The following NXPH1 variants were observed in gnomAD, a reference collection of about 807,000 sequenced individuals.
The protein encoded by NXPH1 is neurexophilin-1.
In NXPH1, 5 loss-of-function variants were observed where a neutral mutation model predicts 23.7. The observed-to-expected ratio is 0.21, with a 90% CI of 0.11 to 0.44. The LOEUF is 0.44. Ranked by LOEUF, NXPH1 falls within the 20% of genes least tolerant of loss-of-function variation. NXPH1 has a pLI of 0.99. For missense variants in NXPH1, 324 were observed against 321.6 expected, an observed-to-expected ratio of 1.01 and a Z score of -0.06; for synonymous variants, 144 against 122.2, an observed-to-expected ratio of 1.18 and a Z score of -1.18.
Position 8,681,601 on chromosome 7 carries a change from A to G in NXPH1, c.55-69407A>G, listed in dbSNP as rs550216253. Among the ~76,000 whole-genome samples, 13 of 152,338 alleles carry G rather than the reference A, an allele frequency of 8.5e-5. No individual in the cohort carries two copies. The East Asian group carries it at 2.3e-3, about 27-fold the overall frequency. On this transcript the variant is annotated intron_variant, in intron 2 of 2. Coordinates refer to ENST00000405863, the MANE Select transcript of NXPH1 (RefSeq NM_152745.3). ...TTCTAGGAAGGGTGTGTGCATGTAA[A>G]GGGCAATTACAATACTTCAGGCATT...
intron 2 of NXPH1, among the ~76,000 whole-genome samples, chr7:8,467,171 A>C (rs979784633): frequency 2.0e-5 from 3 of 152,178 alleles, no homozygotes; most frequent in African/African-American, 7.2e-5. Context: ...AAAGTCCGTC[A>C]CTACTTTGGG....
At chr7:8,595,837 C>A (rs778198407) in intron 2 of NXPH1, among the ~76,000 whole-genome samples, 1 of 151,944 alleles carries the variant, frequency 6.6e-6, no homozygotes, top group South Asian at 2.1e-4. Flanking sequence ...CCTTTACCAT[C>A]GCTTTTAGTG....
intron 2 of NXPH1, among the ~76,000 whole-genome samples, chr7:8,555,199 A>C (rs1818337567): frequency 6.6e-6 from 1 of 151,682 alleles, no homozygotes; most frequent in African/African-American, 2.4e-5. Flanking sequence ...CTAACACGCA[A>C]CTGATAGACT....
intron 2 of NXPH1, among the ~76,000 whole-genome samples, chr7:8,647,551 T>C (rs1321395538): frequency 2.6e-5 from 4 of 152,100 alleles, no homozygotes; most frequent in African/African-American, 9.7e-5. Context: ...TTCATGAGTG[T>C]GTTGGTTTGT....
intron 2 of NXPH1, among the ~76,000 whole-genome samples, chr7:8,547,306 A>G (rs1818212174): frequency 1.3e-5 from 2 of 151,382 alleles, no homozygotes; most frequent in Non-Finnish European, 3.0e-5. Context: ...CATATAGATT[A>G]CGAGAATATG....
intron 2 of NXPH1, among the ~76,000 whole-genome samples, chr7:8,682,625 T>C (rs1298576914): frequency 6.6e-6 from 1 of 152,160 alleles, no homozygotes; most frequent in Non-Finnish European, 1.5e-5. Context: ...AACATACAGA[T>C]ATAAAATTGA....
chr7:8,547,377 C>T (rs1219565089), intron 2 of NXPH1, among the ~76,000 whole-genome samples: 2 of 151,428 alleles, frequency 1.3e-5, no homozygotes, highest in African/African-American at 2.4e-5. Flanking sequence ...AAGCTTCACT[C>T]ACTTCTCAGT....
At chr7:8,737,319 A>G (rs1457851939) in intron 2 of NXPH1, among the ~76,000 whole-genome samples, 1 of 152,202 alleles carries the variant, frequency 6.6e-6, no homozygotes, top group Non-Finnish European at 1.5e-5. Flanking sequence ...CTCGTAAGGC[A>G]GGCCTGGTGG....
intron 2 of NXPH1, among the ~76,000 whole-genome samples, chr7:8,641,093 A>T (rs1021018173): frequency 6.6e-6 from 1 of 152,170 alleles, no homozygotes; most frequent in Non-Finnish European, 1.5e-5. Context: ...TCTTGTCTTT[A>T]AAAATATTTA....
chr7:8,628,688 G>A (rs1562434625), intron 2 of NXPH1, among the ~76,000 whole-genome samples: 1 of 151,936 alleles, frequency 6.6e-6, no homozygotes. Flanking sequence ...ATGTTCTTGA[G>A]TGGTATACAA....
chr7:8,718,364 G>C (rs1262772146), intron 2 of NXPH1, among the ~76,000 whole-genome samples: 2 of 152,106 alleles, frequency 1.3e-5, no homozygotes, highest in Non-Finnish European at 2.9e-5. Flanking sequence ...ATTGGTTCTT[G>C]ACAAACGTTA....
intron 2 of NXPH1, among the ~76,000 whole-genome samples, chr7:8,618,337 C>G (rs2107277): frequency 0.69 from 104,770 of 152,040 alleles, 37,607 homozygotes; most frequent in African/African-American, 0.91. Context: ...CAGCTGACAT[C>G]TGTGGCACTA....
Position 8,732,871 on chromosome 7 carries a change from T to G in NXPH1, c.55-18137T>G, listed in dbSNP as rs147783702. 5.5e-4 allele frequency among the ~76,000 whole-genome samples: 83 copies of G among 152,292 alleles called. 1 individual carries two copies. The highest frequency in any genetic ancestry group is 1.9e-3 in the African/African-American group (80 of 41,566). ...CCCTTGGGCTTCATGAAATTTATAATTTTTTAAATTTTTAAAAAAATTTTA... is the reference window on the plus strand; with the variant it reads ...CCCTTGGGCTTCATGAAATTTATAAGTTTTTAAATTTTTAAAAAAATTTTA... On this transcript the variant is annotated intron_variant, in intron 2 of 2. Transcript: ENST00000405863.
rs866851138 is a variant in NXPH1 at position 8,661,064 on chromosome 7, T to C, written c.55-89944T>C. Among the ~76,000 whole-genome samples the C allele has an allele frequency of 2.0e-5, 3 of 152,146 alleles. No individual in the cohort carries two copies. In the East Asian group the frequency reaches 5.8e-4, roughly 29 times the overall value. On this transcript the variant is annotated intron_variant, in intron 2 of 2. Transcript: ENST00000405863. ...AGCTGCACAGTGACATAGAAAAATA[T>C]AGCAGAGTGATTGCTTCCTCTACAA... is the stretch of plus-strand genomic sequence containing the variant.
In NXPH1 at chr7:8,581,759, C is replaced by A. The variant is rs547487339; in HGVS notation, c.54+145992C>A. Among the ~76,000 whole-genome samples the A allele has an allele frequency of 2.6e-5, 4 of 152,210 alleles. No individual in the cohort carries two copies. In the South Asian group the frequency reaches 8.3e-4, roughly 32 times the overall value. ...TAGGAAATTGTAGGTAACTAGGGGA[C>A]AAAGTAGCGATATTCAGCTTATTTG... On this transcript the variant is annotated intron_variant, in intron 2 of 2. Transcript: ENST00000405863.
intron 2 of NXPH1, among the ~76,000 whole-genome samples, chr7:8,611,724 C>A (rs550617606): frequency 5.4e-4 from 82 of 152,124 alleles, no homozygotes; most frequent in Non-Finnish European, 9.7e-4. Flanking sequence ...CATAATTTTG[C>A]CAAATTTGCA....
chr7:8,587,790 C>T (rs1157063428), intron 2 of NXPH1, among the ~76,000 whole-genome samples: 1 of 152,148 alleles, frequency 6.6e-6, no homozygotes, highest in African/African-American at 2.4e-5. Context: ...CCGGCTTCAT[C>T]CATGTCCCTG....
intron 2 of NXPH1, among the ~76,000 whole-genome samples, chr7:8,729,083 G>A (rs529788022): frequency 3.3e-5 from 5 of 152,042 alleles, no homozygotes; most frequent in South Asian, 4.2e-4. Context: ...TGTATGTCTC[G>A]AGGAATTTAT....
intron 2 of NXPH1, among the ~76,000 whole-genome samples, chr7:8,459,507 C>T (rs1816655911): frequency 6.6e-6 from 1 of 152,244 alleles, no homozygotes; most frequent in South Asian, 2.1e-4. Context: ...TGTTAAACTG[C>T]ATTTTCAGTT....
Sources: allele counts gnomAD v4.1 joint callset (sites outside exome capture counted in the v4.1 genomes callset), GRCh38; gene constraint gnomAD v4.1.1; transcripts MANE v1.5; gene names NCBI Gene and HGNC (gene_info 2026-07-23, HGNC 2026-07-21).